Variants in RABGAP1L observed in about 807,000 individuals in gnomAD.
RABGAP1L encodes the protein rab GTPase-activating protein 1-like.
RABGAP1L carries 63 observed loss-of-function variants against 137.7 expected under a neutral mutation model. The observed-to-expected ratio is 0.46, with a 90% CI of 0.37 to 0.56. The LOEUF (loss-of-function observed/expected upper bound fraction) is 0.56, where lower values mean the gene tolerates loss of function less well. Among genes scored for constraint, RABGAP1L ranks in the 20% least tolerant of loss-of-function variants. The pLI, the probability that RABGAP1L is intolerant of heterozygous loss-of-function variation, is 0.00. For synonymous variants in RABGAP1L, 431 were observed against 433.7 expected (o/e 0.99, Z 0.08); for missense variants, 1,095 against 1,244.0 (o/e 0.88, Z 1.80).
chr1:174,502,416 T>C (rs1162796826), intron 13 of RABGAP1L, among the ~76,000 whole-genome samples: 2 of 151,578 alleles, frequency 1.3e-5, no homozygotes, highest in Non-Finnish European at 2.9e-5. Flanking sequence ...TTTTTAGTTC[T>C]TTTAGTTCTT....
intron 19 of RABGAP1L, chr1:174,892,370 A>G (rs981518558): frequency 5.5e-6 from 2 of 363,178 alleles, no homozygotes; most frequent in African/African-American, 4.3e-5. Context: ...AGAGGGAGAA[A>G]TTAGTTTCTA....
At chr1:174,926,088 TC>T (rs1188665936) in intron 19 of RABGAP1L, among the ~76,000 whole-genome samples, 3 of 152,014 alleles carry the variant, frequency 2.0e-5, no homozygotes, top group African/African-American at 7.2e-5. Context: ...ACTTATCTTT[TC>T]CCCACCTATT....
chr1:174,858,077 A>C (rs1649616590), intron 19 of RABGAP1L, among the ~76,000 whole-genome samples: 1 of 152,166 alleles, frequency 6.6e-6, no homozygotes, highest in Non-Finnish European at 1.5e-5. Context: ...GCTGGGATGC[A>C]GTGGCACTCA....
At chr1:174,638,042 C>T (rs1184735749) in intron 14 of RABGAP1L, among the ~76,000 whole-genome samples, 1 of 152,038 alleles carries the variant, frequency 6.6e-6, no homozygotes, top group Non-Finnish European at 1.5e-5. Context: ...TGCTTGGATA[C>T]AGAAGATTCT....
At chr1:174,200,233 A>G (rs956426659) in intron 1 of RABGAP1L, among the ~76,000 whole-genome samples, 12 of 152,250 alleles carry the variant, frequency 7.9e-5, no homozygotes, top group African/African-American at 2.9e-4. Context: ...AAAAGGATCT[A>G]TATGAGTTCT....
At chr1:174,628,321 A>G (rs1673072615) in intron 13 of RABGAP1L, among the ~76,000 whole-genome samples, 1 of 152,232 alleles carries the variant, frequency 6.6e-6, no homozygotes, top group African/African-American at 2.4e-5. Flanking sequence ...ATCATAATGT[A>G]ACAGAAAACA....
rs1685196098 is a variant in RABGAP1L at position 174,761,275 on chromosome 1, G to C, written c.2211+8921G>C. Among the ~76,000 whole-genome samples, 1 of 152,168 alleles carries C rather than the reference G, an allele frequency of 6.6e-6. No homozygotes were observed. Among genetic ancestry groups the C allele is most frequent in the Non-Finnish European group, 1.5e-5 (1 of 68,026 alleles). ...ACTTTAATGTCAAAAATGCAAACTT[G>C]AGGAGGCCAGAAAGATCACACACAA... On this transcript the variant is annotated intron_variant, in intron 18 of 25. Transcript: ENST00000681986. The surrounding 1 kb of genome is among the most constrained non-coding windows in gnomAD (Gnocchi z 4.0).
intron 14 of RABGAP1L, among the ~76,000 whole-genome samples, chr1:174,671,681 C>G (rs1367241577): frequency 6.6e-6 from 1 of 151,980 alleles, no homozygotes; most frequent in Non-Finnish European, 1.5e-5. Flanking sequence ...ATGATCTTTT[C>G]GATGTGGTGT....
At chr1:174,404,730 A>T (rs35837995) in intron 13 of RABGAP1L, among the ~76,000 whole-genome samples, 1 of 152,206 alleles carries the variant, frequency 6.6e-6, no homozygotes, top group Non-Finnish European at 1.5e-5. Flanking sequence ...CTAAAGTAAA[A>T]CAATATAAAC....
At chr1:174,170,297 A>G (rs761131502) in intron 1 of RABGAP1L, among the ~76,000 whole-genome samples, 5 of 152,330 alleles carry the variant, frequency 3.3e-5, no homozygotes, top group Admixed American at 6.5e-5. Flanking sequence ...GCTAATCTTC[A>G]CAGTAACCAT....
chr1:174,827,422 G>A (rs1691684053), intron 19 of RABGAP1L, among the ~76,000 whole-genome samples: 1 of 149,376 alleles, frequency 6.7e-6, no homozygotes, highest in Admixed American at 6.7e-5. Flanking sequence ...ACAGATACTG[G>A]AGGTACTGGG....
chr1:174,616,469 T>C (rs1276429519), intron 13 of RABGAP1L, among the ~76,000 whole-genome samples: 1 of 152,222 alleles, frequency 6.6e-6, no homozygotes, highest in African/African-American at 2.4e-5. Context: ...ACCTAGTGCC[T>C]ACTAAAGTCT....
chr1:174,590,123 C>CTTTTTTT (rs1166364912), intron 13 of RABGAP1L, among the ~76,000 whole-genome samples: 83 of 59,798 alleles, frequency 1.4e-3, no homozygotes, highest in Admixed American at 2.7e-3. Context: ...TCTTCAGTTT[C>CTTTTTTT]TTTTTTTTTT....
chr1:174,344,271 T>A (rs568379676), intron 11 of RABGAP1L, among the ~76,000 whole-genome samples: 2 of 152,304 alleles, frequency 1.3e-5, no homozygotes, highest in Admixed American at 6.5e-5. Context: ...CAATAGGAGT[T>A]AGCTTTTATT....
At chr1:174,322,982 T>A (rs1680130038) in intron 11 of RABGAP1L, among the ~76,000 whole-genome samples, 1 of 152,148 alleles carries the variant, frequency 6.6e-6, no homozygotes, top group East Asian at 1.9e-4. Context: ...CCATTTTTTT[T>A]AGAAATGAAA....
chr1:174,301,046 C>T (rs1677654705), intron 10 of RABGAP1L, among the ~76,000 whole-genome samples: 1 of 152,102 alleles, frequency 6.6e-6, no homozygotes. Context: ...ACTTGGCCTG[C>T]CAGTTCATGC....
chr1:174,775,594 T>C (rs1213582179), intron 18 of RABGAP1L, among the ~76,000 whole-genome samples: 1 of 152,110 alleles, frequency 6.6e-6, no homozygotes, highest in Non-Finnish European at 1.5e-5. Context: ...ATTACAGACG[T>C]GAGCCACTGT....
intron 13 of RABGAP1L, among the ~76,000 whole-genome samples, chr1:174,470,396 C>T (rs945502705): frequency 3.9e-5 from 6 of 152,040 alleles, no homozygotes; most frequent in Admixed American, 3.9e-4. Context: ...ATTAAATTTC[C>T]AGAAGTAATG....
intron 5 of RABGAP1L, among the ~76,000 whole-genome samples, chr1:174,243,395 A>T (rs1235506213): frequency 6.6e-6 from 1 of 152,106 alleles, no homozygotes; most frequent in Non-Finnish European, 1.5e-5. Flanking sequence ...CTATTATTTA[A>T]TTTTTTGAGT....
Sources: gnomAD v4.1 joint callset for allele counts (sites outside exome capture counted in the v4.1 genomes callset) on GRCh38, gnomAD v4.1.1 for gene constraint, Gnocchi (gnomAD v3.1) non-coding constraint, MANE v1.5 for transcripts, NCBI Gene and HGNC (gene_info 2026-07-23, HGNC 2026-07-21) for gene names.